The following MIGA2 variants were observed in gnomAD, a reference collection of about 807,000 sequenced individuals.
MIGA2 encodes the protein family with sequence similarity 73, member B.
Under a neutral mutation model 69.9 loss-of-function variants are expected in MIGA2, and 36 were observed. The ratio of observed to expected loss-of-function variants is 0.52; its 90% CI spans 0.39 to 0.68. The LOEUF (loss-of-function observed/expected upper bound fraction) is 0.68. Ranked by LOEUF, MIGA2 falls within the 30% of genes least tolerant of loss-of-function variation. The pLI, the probability that MIGA2 is intolerant of heterozygous loss-of-function variation, is 0.00. For synonymous variants in MIGA2, 333 were observed against 349.2 expected (o/e 0.95, Z 0.52); for missense variants, 660 against 787.7 (o/e 0.84, Z 1.94).
intron 6 of MIGA2, among the ~76,000 whole-genome samples, chr9:129,052,122 A>G (rs1200042006): frequency 6.6e-6 from 1 of 151,354 alleles, no homozygotes; most frequent in Non-Finnish European, 1.5e-5. Context: ...CACCGCGCCC[A>G]GCCTGTAATT....
chr9:129,044,718 A>T (rs183959428), intron 3 of MIGA2, among the ~76,000 whole-genome samples: 15 of 151,936 alleles, frequency 9.9e-5, no homozygotes, highest in Admixed American at 7.2e-4. Context: ...ACACCCAGCT[A>T]ATTTCTGTAT....
At chr9:129,058,082 C>G (rs1156543392) in intron 6 of MIGA2, among the ~76,000 whole-genome samples, 1 of 151,990 alleles carries the variant, frequency 6.6e-6, no homozygotes, top group Non-Finnish European at 1.5e-5. Context: ...TAATAACTCC[C>G]CCTACTTTTA....
intron 6 of MIGA2, chr9:129,051,234 T>A (rs1309375057): frequency 6.0e-6 from 1 of 166,746 alleles, no homozygotes; most frequent in Admixed American, 6.5e-5. Context: ...TTGGGCAACA[T>A]CCAAGTTTTC....
At chr9:129,067,409 G>A (rs1437743394) in intron 11 of MIGA2, 9 of 243,660 alleles carry the variant, frequency 3.7e-5, no homozygotes, top group Non-Finnish European at 7.2e-5. Flanking sequence ...CCTCATCAGG[G>A]TGCGGCTGTA....
Position 129,070,414 on chromosome 9 carries a change from G to A in MIGA2, c.1743G>A (p.Ala581=), listed in dbSNP as rs200200191. The change falls in exon 16 of 16, where the codon GCG becomes GCA. Residue 581 remains alanine (A), a synonymous_variant. Coordinates refer to ENST00000684074, the MANE Select transcript of MIGA2 (RefSeq NM_001329990.2). ...PAASSAGVNG[A]LPRENGPLGE... ...CCAGCAGCGCAGGCGTGAATGGGGC[G>A]CTGCCCCGAGAGAATGGGCCCCTGG... is the stretch of plus-strand genomic sequence containing the variant. 85 of 1,604,236 alleles carry A rather than the reference G, an allele frequency of 5.3e-5. No individual in the cohort carries two copies. The East Asian group carries it at 1.1e-3, about 20-fold the overall frequency.
Position 129,068,436 on chromosome 9 carries a change from C to A in MIGA2, c.1404+104C>A. ...CTAGCACTGGCACCAGGGCTGGGCC[C>A]CCACCCCCTAGATCCGCGGCTGCCA... is the stretch of plus-strand genomic sequence containing the variant. On this transcript the variant is annotated intron_variant, in intron 13 of 15. Coordinates refer to ENST00000684074, the MANE Select transcript of MIGA2 (RefSeq NM_001329990.2). The surrounding 1 kb of genome is among the most constrained non-coding windows in gnomAD (Gnocchi z 4.1). The A allele has an allele frequency of 6.7e-7, 1 of 1,499,114 alleles. No individual in the cohort carries two copies. The highest frequency in any genetic ancestry group is 2.4e-5 in the East Asian group (1 of 41,726). The allele number at this position is 1,499,114 out of a possible 1,614,324, so 92.9% of individuals were successfully genotyped here. A position where few individuals can be genotyped will look rare whatever the true frequency, so the allele number is the denominator to read the frequency against.
At chr9:129,064,458 C>T (rs1846234569) in intron 11 of MIGA2, among the ~76,000 whole-genome samples, 1 of 151,792 alleles carries the variant, frequency 6.6e-6, no homozygotes, top group African/African-American at 2.4e-5. Context: ...CCGCCCGCCT[C>T]GGCCTCCCAA....
chr9:129,048,403 C>T lies in MIGA2; in HGVS notation c.308-24C>T, dbSNP rs538908382. The T allele has an allele frequency of 5.0e-5, 79 of 1,592,436 alleles. No homozygotes were observed. In the Admixed American group the frequency reaches 9.0e-4, roughly 18 times the overall value. On this transcript the variant is annotated intron_variant, in intron 3 of 15. Transcript: ENST00000684074. ...AAGGCCACAGGGGATGCCTGTGTGA[C>T]GCCTGCCCTTCTGCTCCTCACAGGA...
Position 129,068,973 on chromosome 9 carries a change from G to T in MIGA2, c.1405-103G>T. 7.5e-7 allele frequency: 1 copy of T among 1,325,068 alleles called. No individual in the cohort carries two copies. The highest frequency in any genetic ancestry group is 1.1e-6 in the Non-Finnish European group (1 of 920,472). The allele number at this position is 1,325,068 out of a possible 1,614,324, so 82.1% of individuals were successfully genotyped here. A position where few individuals can be genotyped will look rare whatever the true frequency, so the allele number is the denominator to read the frequency against. ...CTGGCCCCATCTTCCTGCTTGGAGT[G>T]GGGTGAGCTGGGTTTAAGGGCTTGG... On this transcript the variant is annotated intron_variant, in intron 13 of 15. Coordinates refer to ENST00000684074, the MANE Select transcript of MIGA2 (RefSeq NM_001329990.2). The surrounding 1 kb of genome is among the most constrained non-coding windows in gnomAD (Gnocchi z 4.1).
chr9:129,049,682 G>C, intron 5 of MIGA2, 145 bp from the exon 6 acceptor site: 1 of 1,346,700 alleles, frequency 7.4e-7, no homozygotes, highest in East Asian at 2.3e-5. Context: ...TCTGAAAGAA[G>C]GCCTGGAACC....
At chr9:129,036,962 C>T (rs1844622863) in intron 1 of MIGA2, 1 of 1,003,012 alleles carries the variant, frequency 1.0e-6, no homozygotes, top group Non-Finnish European at 1.2e-6. Flanking sequence ...GGGGAGAGCA[C>T]CCGGGATGGA....
At chr9:129,047,822 C>G (rs571779098) in intron 3 of MIGA2, among the ~76,000 whole-genome samples, 1 of 152,134 alleles carries the variant, frequency 6.6e-6, no homozygotes, top group South Asian at 2.1e-4. Context: ...CTTGACCTCC[C>G]AGGCTCAATT....
chr9:129,068,435 C>A lies in MIGA2; in HGVS notation c.1404+103C>A. 1 of 1,498,562 alleles carries A rather than the reference C, an allele frequency of 6.7e-7. No individual in the cohort carries two copies. The highest frequency in any genetic ancestry group is 1.2e-5 in the South Asian group (1 of 83,626). 92.8% of individuals were successfully genotyped at this position (1,498,562 alleles called of 1,614,324 possible). On this transcript the variant is annotated intron_variant, in intron 13 of 15. Coordinates refer to ENST00000684074, the MANE Select transcript of MIGA2 (RefSeq NM_001329990.2). This position sits in a 1 kb window ranked among gnomAD's most constrained non-coding sequence, Gnocchi z 4.1. Reference sequence around the variant, plus strand: ...CCTAGCACTGGCACCAGGGCTGGGCCCCCACCCCCTAGATCCGCGGCTGCC... The same window carrying A: ...CCTAGCACTGGCACCAGGGCTGGGCACCCACCCCCTAGATCCGCGGCTGCC...
Position 129,068,695 on chromosome 9 carries a change from C to T in MIGA2, c.1404+363C>T, listed in dbSNP as rs1349803263. The T allele has an allele frequency of 7.3e-6, 3 of 410,452 alleles. No homozygotes were observed. The highest frequency in any genetic ancestry group is 2.0e-5 in the African/African-American group (1 of 49,838). 25.4% of individuals were successfully genotyped at this position (410,452 alleles called of 1,614,324 possible). ...GAGTGAGAGACAACCCAGCACAGGACCCCCAGGAAGGCAAGCAGTAACGCT... is the reference window on the plus strand; with the variant it reads ...GAGTGAGAGACAACCCAGCACAGGATCCCCAGGAAGGCAAGCAGTAACGCT... On this transcript the variant is annotated intron_variant, in intron 13 of 15. Transcript: ENST00000684074. This position sits in a 1 kb window ranked among gnomAD's most constrained non-coding sequence, Gnocchi z 4.1.
Position 129,061,657 on chromosome 9 carries a change from T to C in MIGA2, c.1010+311T>C, listed in dbSNP as rs1399040022. On this transcript the variant is annotated intron_variant, in intron 9 of 15. Coordinates refer to ENST00000684074, the MANE Select transcript of MIGA2 (RefSeq NM_001329990.2). The surrounding 1 kb of genome is among the most constrained non-coding windows in gnomAD (Gnocchi z 5.0). Reference sequence around the variant, plus strand: ...TACAGCACATACACTGAAAAAAAAATTGGAATGATACAGAGAAGATGAACG... The same window carrying C: ...TACAGCACATACACTGAAAAAAAAACTGGAATGATACAGAGAAGATGAACG... Among the ~76,000 whole-genome samples, 1 of 151,916 alleles carries C rather than the reference T, an allele frequency of 6.6e-6. No individual in the cohort carries two copies. Among genetic ancestry groups the C allele is most frequent in the African/African-American group, 2.4e-5 (1 of 41,336 alleles).
intron 6 of MIGA2, among the ~76,000 whole-genome samples, chr9:129,054,543 C>G (rs1845701792): frequency 6.6e-6 from 1 of 152,172 alleles, no homozygotes; most frequent in Non-Finnish European, 1.5e-5. Flanking sequence ...CAGCTCTAGG[C>G]AACCACAAAT....
intron 12 of MIGA2, 24 bp downstream of exon 12, chr9:129,067,895 C>G: frequency 6.2e-7 from 1 of 1,600,180 alleles, no homozygotes; most frequent in Non-Finnish European, 8.5e-7. Flanking sequence ...TGCTGAACCC[C>G]GACATCCCGG....
chr9:129,060,672 G>T lies in MIGA2; in HGVS notation c.894+22G>T. The T allele has an allele frequency of 6.4e-7, 1 of 1,555,988 alleles. No homozygotes were observed. The highest frequency in any genetic ancestry group is 8.7e-7 in the Non-Finnish European group (1 of 1,147,836). ...CGAGGTGACTCGGGGTGGGGACCAA[G>T]CCTGGGGTGGGGTGAAGGCTGGGCC... On this transcript the variant is annotated intron_variant, in intron 8 of 15. Coordinates refer to ENST00000684074, the MANE Select transcript of MIGA2 (RefSeq NM_001329990.2). This position sits in a 1 kb window ranked among gnomAD's most constrained non-coding sequence, Gnocchi z 4.8.
Position 129,068,794 on chromosome 9 carries a change from A to C in MIGA2, c.1405-282A>C, listed in dbSNP as rs1053797651. 4.0e-6 allele frequency: 2 copies of C among 495,246 alleles called. No homozygotes were observed. Among genetic ancestry groups the C allele is most frequent in the Non-Finnish European group, 7.3e-6 (2 of 272,506 alleles). 30.7% of individuals were successfully genotyped at this position (495,246 alleles called of 1,614,324 possible). On this transcript the variant is annotated intron_variant, in intron 13 of 15. Coordinates refer to ENST00000684074, the MANE Select transcript of MIGA2 (RefSeq NM_001329990.2). This position sits in a 1 kb window ranked among gnomAD's most constrained non-coding sequence, Gnocchi z 4.1. ...TACAGGCGGGAACCATTGCTCCCACAACCACCAAAGGAGGTGGGAGTGCTG... is the reference window on the plus strand; with the variant it reads ...TACAGGCGGGAACCATTGCTCCCACCACCACCAAAGGAGGTGGGAGTGCTG...
Sources: gnomAD v4.1 joint callset for allele counts (sites outside exome capture counted in the v4.1 genomes callset) on GRCh38, gnomAD v4.1.1 for gene constraint, Gnocchi (gnomAD v3.1) non-coding constraint, MANE v1.5 for transcripts, NCBI Gene and HGNC (gene_info 2026-07-23, HGNC 2026-07-21) for gene names.